The following RWDD2B variants were observed in gnomAD, a reference collection of about 807,000 sequenced individuals.
RWDD2B encodes the protein RWD domain-containing protein 2B.
A neutral mutation model predicts 33.6 loss-of-function variants in RWDD2B; 36 were observed. That is an observed-to-expected ratio of 1.07 (90% CI 0.82 to 1.42). The LOEUF (loss-of-function observed/expected upper bound fraction) is 1.42, where lower values mean the gene tolerates loss of function less well. Among genes scored for constraint, RWDD2B ranks in the 40% most tolerant of loss-of-function variants. The pLI, the probability that RWDD2B is intolerant of heterozygous loss-of-function variation, is 0.00. For missense variants in RWDD2B, 364 were observed against 377.5 expected (o/e 0.96, Z 0.30); for synonymous variants, 126 against 133.1 (o/e 0.95, Z 0.37).
At chr21:29,007,530 A>G (rs1392911035) in intron 4 of RWDD2B, among the ~76,000 whole-genome samples, 2 of 152,216 alleles carry the variant, frequency 1.3e-5, no homozygotes, top group Non-Finnish European at 2.9e-5. Context: ...ATTTTTTCAT[A>G]TAGAAAACCA....
chr21:29,018,362 G>A (rs2084899890), intron 1 of RWDD2B, among the ~76,000 whole-genome samples: 1 of 152,212 alleles, frequency 6.6e-6, no homozygotes, highest in Non-Finnish European at 1.5e-5. Flanking sequence ...AAATAGAGAG[G>A]TCTAGCAGGC....
At chr21:29,009,869 T>C (rs765036699) in intron 1 of RWDD2B, among the ~76,000 whole-genome samples, 33 of 152,208 alleles carry the variant, frequency 2.2e-4, no homozygotes, top group Non-Finnish European at 5.9e-5. Flanking sequence ...ACAGTATACA[T>C]ATTTAAATCC....
chr21:29,019,082 G>T, intron 1 of RWDD2B, 129 bp downstream of exon 1: 1 of 727,780 alleles, frequency 1.4e-6, no homozygotes, highest in Non-Finnish European at 2.2e-6. Flanking sequence ...CGAGCCGACC[G>T]ATGGGCGCAT....
upstream of RWDD2B, chr21:29,019,349 GGAA>G (rs757872304): frequency 1.3e-5 from 13 of 967,026 alleles, no homozygotes; most frequent in African/African-American, 7.9e-5. Context: ...GCGACCTACC[GGAA>G]AAAAAAAAAA....
At chr21:29,011,657 C>A (rs1165306361) in intron 1 of RWDD2B, among the ~76,000 whole-genome samples, 1 of 147,252 alleles carries the variant, frequency 6.8e-6, no homozygotes, top group Admixed American at 6.7e-5. Flanking sequence ...AGCCCCCCGC[C>A]CGGCCAGCCG....
At chr21:29,015,948 G>T (rs1372445954) in intron 1 of RWDD2B, among the ~76,000 whole-genome samples, 1 of 152,156 alleles carries the variant, frequency 6.6e-6, no homozygotes, top group East Asian at 1.9e-4. Flanking sequence ...TCCAAGAGGG[G>T]TGTTCAGTAT....
At chr21:29,010,524 T>C (rs1254082706) in intron 1 of RWDD2B, among the ~76,000 whole-genome samples, 4 of 140,118 alleles carry the variant, frequency 2.9e-5, no homozygotes, top group African/African-American at 8.0e-5. Context: ...ACAGAATCAC[T>C]GGAACCTGGG....
intron 1 of RWDD2B, among the ~76,000 whole-genome samples, chr21:29,014,142 G>A (rs373553956): frequency 1.3e-5 from 2 of 152,160 alleles, no homozygotes; most frequent in Admixed American, 6.6e-5. Context: ...CATTTTGCAA[G>A]GGCATTCTTA....
At position 29,006,401 on chromosome 21, in the gene RWDD2B, T is replaced by G; in HGVS notation, c.*16A>C. 6.7e-7 allele frequency: 1 copy of G among 1,503,008 alleles called. No individual in the cohort carries two copies. Among genetic ancestry groups the G allele is most frequent in the Non-Finnish European group, 9.1e-7 (1 of 1,102,488 alleles). The allele number at this position is 1,503,008 out of a possible 1,614,324, so 93.1% of individuals were successfully genotyped here. A position where few individuals can be genotyped will look rare whatever the true frequency, so the allele number is the denominator to read the frequency against. Reference sequence around the variant, plus strand: ...AAAGGCCAACAGTGGCAAGATACTTTCAACTACTCTTGATGTCATTGTCCT... The same window carrying G: ...AAAGGCCAACAGTGGCAAGATACTTGCAACTACTCTTGATGTCATTGTCCT... On this transcript the variant is annotated 3_prime_UTR_variant, in exon 5 of 5. Transcript: ENST00000493196.
At position 29,019,348 on chromosome 21, in the gene RWDD2B, C is replaced by CG. The variant is rs1182830622; in HGVS notation, c.-72dup. The CG allele has an allele frequency of 9.6e-5, 99 of 1,034,692 alleles. No individual in the cohort carries two copies. The highest frequency in any genetic ancestry group is 1.2e-4 in the Non-Finnish European group (88 of 761,726). 64.1% of individuals were successfully genotyped at this position (1,034,692 alleles called of 1,614,324 possible). A position where few individuals can be genotyped will look rare whatever the true frequency, so the allele number is the denominator to read the frequency against. ...CAAACCGCCTCAGCTGGCGACCTAC[C>CG]GGAAAAAAAAAAAAAAAGCATGCGG... On this transcript the variant is annotated 5_prime_UTR_variant, in exon 1 of 5. Transcript: ENST00000493196.
At chr21:29,016,848 C>T (rs2146341812) in intron 1 of RWDD2B, among the ~76,000 whole-genome samples, 1 of 152,268 alleles carries the variant, frequency 6.6e-6, no homozygotes, top group South Asian at 2.1e-4. Flanking sequence ...TTAGTCTCCC[C>T]AACTCCATAA....
intron 3 of RWDD2B, 42 bp from the exon 4 acceptor site, chr21:29,008,165 A>G: frequency 6.2e-7 from 1 of 1,611,072 alleles, no homozygotes; most frequent in Non-Finnish European, 8.5e-7. Flanking sequence ...TTGGAACAGA[A>G]AACAAATTCG....
At chr21:29,009,478 C>T (rs1363879102) in intron 1 of RWDD2B, 1 of 151,462 alleles carries the variant, frequency 6.6e-6, no homozygotes, top group African/African-American at 2.4e-5. Context: ...ACTGCAAGCT[C>T]CACCTCGGCG....
chr21:29,006,775 T>C (rs1298384573), intron 4 of RWDD2B, 124 bp from the exon 5 acceptor site: 15 of 641,672 alleles, frequency 2.3e-5, no homozygotes, highest in Non-Finnish European at 3.7e-5. Flanking sequence ...AAAATGTTTA[T>C]AACTTTTACT....
At chr21:29,011,003 G>C (rs1010823449) in intron 1 of RWDD2B, among the ~76,000 whole-genome samples, 50 of 152,162 alleles carry the variant, frequency 3.3e-4, no homozygotes, top group African/African-American at 1.2e-3. Context: ...GCAGTGGCGT[G>C]ATCTCGGCTC....
At chr21:29,013,569 G>A (rs966239988) in intron 1 of RWDD2B, among the ~76,000 whole-genome samples, 2 of 151,582 alleles carry the variant, frequency 1.3e-5, no homozygotes, top group Non-Finnish European at 2.9e-5. Flanking sequence ...GGCGCCTGTA[G>A]TCCCAGCTAC....
In RWDD2B at chr21:29,017,683, T is replaced by C. The variant is rs114357181; in HGVS notation, c.67+1528A>G. On this transcript the variant is annotated intron_variant, in intron 1 of 4. Transcript: ENST00000493196. ...AGAAACCTGAAAAAGAAAACAAGGA[T>C]AAGGGAAACAATGAGGCAGCAGGGG... Among the ~76,000 whole-genome samples the C allele has an allele frequency of 2.3e-3, 345 of 151,770 alleles. 1 individual carries two copies. The highest frequency in any genetic ancestry group is 7.9e-3 in the African/African-American group (328 of 41,400).
chr21:29,005,410 A>G lies in RWDD2B; in HGVS notation c.*1007T>C, dbSNP rs2084823489. 6.6e-6 allele frequency: 1 copy of G among 152,154 alleles called. No homozygotes were observed. Among genetic ancestry groups the G allele is most frequent in the South Asian group, 2.1e-4 (1 of 4,826 alleles). The allele number at this position is 152,154 out of a possible 1,614,324, so 9.4% of individuals were successfully genotyped here. ...CAAAACTAAAGCTCTGAAAAACTCT[A>G]TTTGACAAACTAGCTTTCAACTGCT... On this transcript the variant is annotated 3_prime_UTR_variant, in exon 5 of 5. Coordinates refer to ENST00000493196, the MANE Select transcript of RWDD2B (RefSeq NM_016940.3).
rs771250560 is a variant in RWDD2B at position 29,006,186 on chromosome 21, T to A, written c.*231A>T. 3 of 382,156 alleles carry A rather than the reference T, an allele frequency of 7.9e-6. No individual in the cohort carries two copies. Among genetic ancestry groups the A allele is most frequent in the Non-Finnish European group, 1.4e-5 (3 of 213,966 alleles). 23.7% of individuals were successfully genotyped at this position (382,156 alleles called of 1,614,324 possible). A position where few individuals can be genotyped will look rare whatever the true frequency, so the allele number is the denominator to read the frequency against. On this transcript the variant is annotated 3_prime_UTR_variant, in exon 5 of 5. Coordinates refer to ENST00000493196, the MANE Select transcript of RWDD2B (RefSeq NM_016940.3). ...TTTCTTTTTCAAAATGGGCAGCTGATATGTGAAGAAATATCTAACAACAAT... is the reference window on the plus strand; with the variant it reads ...TTTCTTTTTCAAAATGGGCAGCTGAAATGTGAAGAAATATCTAACAACAAT...
Sources: gnomAD v4.1 joint callset for allele counts (sites outside exome capture counted in the v4.1 genomes callset) on GRCh38, gnomAD v4.1.1 for gene constraint, MANE v1.5 for transcripts, NCBI Gene and HGNC (gene_info 2026-07-23, HGNC 2026-07-21) for gene names.